Variants in MYH6 observed in about 807,000 individuals in gnomAD.
The protein encoded by MYH6 is myosin heavy chain 6, also known as myosin-6.
A neutral mutation model predicts 223.2 loss-of-function variants in MYH6; 126 were observed. The observed-to-expected ratio is 0.56, with a 90% CI of 0.49 to 0.65. MYH6 has a LOEUF of 0.65. MYH6 is among the 30% of genes least tolerant of loss of function. The pLI is 0.00. For synonymous variants in MYH6, 978 were observed against 1,010.2 expected (o/e 0.97, Z 0.61); for missense variants, 2,040 against 2,536.4 (o/e 0.80, Z 4.20).
At chr14:23,402,861 G>A in intron 10 of MYH6, 61 bp from the exon 11 acceptor site, 1 of 1,184,942 alleles carries the variant, frequency 8.4e-7, no homozygotes. Flanking sequence ...GGAAGGGGCA[G>A]GTAGAGTTGG....
intron 9 of MYH6, 103 bp downstream of exon 9, chr14:23,403,612 G>T: frequency 7.9e-7 from 1 of 1,258,600 alleles, no homozygotes; most frequent in Non-Finnish European, 1.1e-6. Flanking sequence ...AGAGGCAAAT[G>T]CAGACAAAAC....
intron 20 of MYH6, among the ~76,000 whole-genome samples, chr14:23,395,101 G>C (rs541089840): frequency 1.6e-3 from 244 of 152,318 alleles, no homozygotes; most frequent in African/African-American, 5.5e-3. Flanking sequence ...CTGACCTCAG[G>C]TGATCCGCCT....
At chr14:23,403,643 A>G in intron 9 of MYH6, 72 bp downstream of exon 9, 1 of 1,427,956 alleles carries the variant, frequency 7.0e-7, no homozygotes, top group South Asian at 1.2e-5. Flanking sequence ...AGGAATGATG[A>G]GACTGGCCGC....
In MYH6 at chr14:23,396,939, G is replaced by C. The variant is rs577714233; in HGVS notation, c.2168+24C>G. 2.5e-6 allele frequency: 4 copies of C among 1,612,366 alleles called. No homozygotes were observed. The East Asian group carries it at 8.9e-5, about 36-fold the overall frequency. On this transcript the variant is annotated intron_variant, in intron 18 of 38. Coordinates refer to ENST00000405093, the MANE Select transcript of MYH6 (RefSeq NM_002471.4). ...CAGCCTGGCTCCCCCTGTTCTATGA[G>C]CTCTGGGGCACCCTCATACCCACCT... is the stretch of plus-strand genomic sequence containing the variant.
Position 23,398,643 on chromosome 14 carries a change from G to A in MYH6, c.1891+85C>T, listed in dbSNP as rs575240049. 339 of 1,496,092 alleles carry A rather than the reference G, an allele frequency of 2.3e-4. 3 individuals carry two copies. The South Asian group carries it at 3.7e-3, about 16-fold the overall frequency. The allele number at this position is 1,496,092 out of a possible 1,614,324, so 92.7% of individuals were successfully genotyped here. On this transcript the variant is annotated intron_variant, in intron 15 of 38. Transcript: ENST00000405093. ...CATGGGCTCCCCTGTGCCTGCCTAT[G>A]GAGTCATGTGCTTTGAAGCAGCAGG...
intron 37 of MYH6, among the ~76,000 whole-genome samples, chr14:23,382,937 T>C (rs1555332922): frequency 1.3e-5 from 2 of 152,200 alleles, no homozygotes; most frequent in Non-Finnish European, 2.9e-5. Flanking sequence ...CTAGGCCCAA[T>C]TCCACCGCCA....
intron 37 of MYH6, among the ~76,000 whole-genome samples, chr14:23,382,939 C>T (rs2138578899): frequency 6.6e-6 from 1 of 152,344 alleles, no homozygotes; most frequent in South Asian, 2.1e-4. Context: ...AGGCCCAATT[C>T]CACCGCCACC....
Position 23,405,372 on chromosome 14 carries a change from G to A in MYH6, c.353C>T (p.Ser118Leu), listed in dbSNP as rs1322526035. 3 of 1,614,016 alleles carry A rather than the reference G, an allele frequency of 1.9e-6. No individual in the cohort carries two copies. The highest frequency in any genetic ancestry group is 2.5e-6 in the Non-Finnish European group (3 of 1,179,982). The change falls in exon 5 of 39, where the codon TCG (serine) becomes TTG (leucine). Residue 118 changes from serine (S) to leucine (L), a missense_variant. By Grantham distance (145) the Ser-to-Leu change is moderately radical. This residue lies in a region of MYH6 where 184 missense variants were observed against 232.4 expected (regional missense o/e 0.79). Transcript: ENST00000405093. This position sits in a 1 kb window ranked among gnomAD's most constrained non-coding sequence, Gnocchi z 4.7. ...GTTGACAGTGACACAGAAGAGGCCC[G>A]AGTAGGTCTGGAGCAGGAGACAAGG... ...RYAAWMIYTY[S>L]GLFCVTVNPY...
At position 23,386,302 on chromosome 14, in the gene MYH6, C is replaced by G; in HGVS notation, c.4959+13G>C. 6.2e-7 allele frequency: 1 copy of G among 1,614,094 alleles called. No homozygotes were observed. Among genetic ancestry groups the G allele is most frequent in the Non-Finnish European group, 8.5e-7 (1 of 1,180,016 alleles). The stretch of plus-strand genomic sequence containing the variant: ...AGGCCAGTCCCCTGAGGGGACCTCC[C>G]GCCCCCATGTACCTTCAGCAAGCTC... On this transcript the variant is annotated intron_variant, in intron 33 of 38. Coordinates refer to ENST00000405093, the MANE Select transcript of MYH6 (RefSeq NM_002471.4).
chr14:23,406,527 G>A (rs562919255), intron 3 of MYH6, among the ~76,000 whole-genome samples: 1 of 152,302 alleles, frequency 6.6e-6, no homozygotes, highest in East Asian at 1.9e-4. Context: ...GATTCTCTTG[G>A]CTGGTGTGAG....
chr14:23,389,568 C>T (rs751336106), intron 27 of MYH6, 25 bp downstream of exon 27: 1 of 1,614,184 alleles, frequency 6.2e-7, no homozygotes, highest in South Asian at 1.1e-5. Context: ...CTGCCCTAGG[C>T]AGGGGGTTGG....
rs769813573 is a variant in MYH6 at position 23,384,751 on chromosome 14, G to A, written c.5290-34C>T. 2.5e-6 allele frequency: 4 copies of A among 1,614,058 alleles called. No homozygotes were observed. In the African/African-American group the frequency reaches 4.0e-5, roughly 16 times the overall value. On this transcript the variant is annotated intron_variant, in intron 35 of 38. Transcript: ENST00000405093. ...AGGAGAGAGGTGGCAAGGAACATGG[G>A]CCAGGGGCCGGGGCCTTTTGCCCCC...
At chr14:23,399,127 G>C (rs1373264750) in intron 14 of MYH6, 90 bp from the exon 15 acceptor site, 1 of 1,522,462 alleles carries the variant, frequency 6.6e-7, no homozygotes, top group African/African-American at 1.4e-5. Flanking sequence ...AAGGAATCTG[G>C]AGCCAGTAGC....
In MYH6 at chr14:23,397,456, C is replaced by T. The variant is rs903542801; in HGVS notation, c.1962+87G>A. ...AGCCCTAGCTTCTTTCCTCATCAAA[C>T]TCAAGCATCAGAATAGGTGGTGCAG... On this transcript the variant is annotated intron_variant, in intron 16 of 38. Transcript: ENST00000405093. 22 of 1,498,650 alleles carry T rather than the reference C, an allele frequency of 1.5e-5. No homozygotes were observed. In the East Asian group the frequency reaches 4.1e-4, roughly 28 times the overall value. 92.8% of individuals were successfully genotyped at this position (1,498,650 alleles called of 1,614,324 possible).
intron 38 of MYH6, 86 bp downstream of exon 38, chr14:23,382,342 G>T (rs908295682): frequency 6.3e-7 from 1 of 1,589,438 alleles, no homozygotes; most frequent in African/African-American, 1.3e-5. Flanking sequence ...TACATATAGG[G>T]CAAGCAGTGC....
At chr14:23,400,504 C>CT (rs1389100939) in intron 13 of MYH6, 78 bp from the exon 14 acceptor site, 24 of 1,609,610 alleles carry the variant, frequency 1.5e-5, no homozygotes, top group Non-Finnish European at 1.7e-5. Flanking sequence ...TGCACTGTGC[C>CT]GAGCCCAGCA....
intron 25 of MYH6, among the ~76,000 whole-genome samples, chr14:23,391,455 G>A (rs537556207): frequency 3.1e-4 from 47 of 152,220 alleles, no homozygotes; most frequent in Non-Finnish European, 6.0e-4. Flanking sequence ...AGGATGGCCC[G>A]ATATTCTAGC....
At chr14:23,383,074 C>T (rs1890906949) in intron 37 of MYH6, 151 bp downstream of exon 37, 1 of 753,002 alleles carries the variant, frequency 1.3e-6, no homozygotes, top group South Asian at 1.5e-5. Context: ...GAACACCTGA[C>T]AGCTCTGAGC....
At position 23,400,988 on chromosome 14, in the gene MYH6, G is replaced by A. The variant is rs1595061890; in HGVS notation, c.1142-11C>T. 1 of 1,614,018 alleles carries A rather than the reference G, an allele frequency of 6.2e-7. No individual in the cohort carries two copies. Among genetic ancestry groups the A allele is most frequent in the South Asian group, 1.1e-5 (1 of 91,074 alleles). On this transcript the variant is annotated splice_polypyrimidine_tract_variant and intron_variant, in intron 12 of 38. Coordinates refer to ENST00000405093, the MANE Select transcript of MYH6 (RefSeq NM_002471.4). ...CCGACTTGTCAGCATCTGGTTGAGA[G>A]GGAAAGGATAAGTGAGCACTTCCTT...
Sources: gnomAD v4.1 joint callset for allele counts (sites outside exome capture counted in the v4.1 genomes callset) on GRCh38, gnomAD v4.1.1 for gene constraint, gnomAD v4.1.1 regional missense constraint, Gnocchi (gnomAD v3.1) non-coding constraint, MANE v1.5 for transcripts, NCBI Gene and HGNC (gene_info 2026-07-23, HGNC 2026-07-21) for gene names.